ZBTB48: variants seen among roughly 807,000 people sequenced by gnomAD.
ZBTB48 encodes zinc finger and BTB domain-containing protein 48.
A neutral mutation model predicts 64.5 loss-of-function variants in ZBTB48; 35 were observed. The ratio of observed to expected loss-of-function variants is 0.54; its 90% confidence interval spans 0.41 to 0.72. The LOEUF (loss-of-function observed/expected upper bound fraction) is 0.72. Ranked by LOEUF, ZBTB48 falls within the 30% of genes least tolerant of loss-of-function variation. The probability of loss-of-function intolerance (pLI) is 0.00; values close to 1 mark genes in which losing one functional copy is unlikely to be tolerated. For missense variants in ZBTB48, 828 were observed against 895.3 expected (o/e 0.92, Z 0.96); for synonymous variants, 442 against 356.7 (o/e 1.24, Z -2.70).
At chr1:6,587,015 G>T in intron 5 of ZBTB48, 190 bp from the exon 6 acceptor site, 1 of 856,666 alleles carries the variant, frequency 1.2e-6, no homozygotes, top group Non-Finnish European at 1.9e-6. Flanking sequence ...ATGGAGGACA[G>T]GCTTGGCATC....
chr1:6,588,722 T>G, intron 9 of ZBTB48, 34 bp from the exon 10 acceptor site: 1 of 1,613,640 alleles, frequency 6.2e-7, no homozygotes, highest in Non-Finnish European at 8.5e-7. Context: ...CCGGGGCTCC[T>G]GCATGATCCC....
chr1:6,587,443 T>C, intron 6 of ZBTB48, 35 bp from the exon 7 acceptor site: 4 of 1,612,988 alleles, frequency 2.5e-6, no homozygotes, highest in Non-Finnish European at 3.4e-6. Flanking sequence ...ACCCTGGCCC[T>C]GGTCCCTCCC....
intron 4 of ZBTB48, 178 bp from the exon 5 acceptor site, chr1:6,586,517 C>T: frequency 7.5e-7 from 1 of 1,331,534 alleles, no homozygotes; most frequent in Non-Finnish European, 9.8e-7. Context: ...GTGCGGTGGG[C>T]TTGCAGCACT....
Position 6,588,120 on chromosome 1 carries a change from C to G in ZBTB48, c.1440C>G (p.Leu480=). The G allele has an allele frequency of 1.2e-6, 2 of 1,614,216 alleles. No homozygotes were observed. The highest frequency in any genetic ancestry group is 1.7e-6 in the Non-Finnish European group (2 of 1,180,048). ...ACGCCTTCACCCAAAAGGCCAATCT[C>G]AACATGCACCTGCGCACACACACGG... ...CSHAFTQKAN[L]NMHLRTHTGE... Residue 480 remains leucine, a synonymous_variant, in exon 8 of 11, where the codon CTC becomes CTG. Transcript: ENST00000377674.
intron 4 of ZBTB48, chr1:6,586,413 C>G (rs1640668769): frequency 8.9e-6 from 5 of 560,690 alleles, no homozygotes; most frequent in African/African-American, 1.9e-5. Flanking sequence ...CCCACTCTTC[C>G]TAGAGGCCTG....
chr1:6,588,946 G>A lies in ZBTB48; in HGVS notation c.1801G>A (p.Asp601Asn), dbSNP rs746278879. Residue 601 changes from aspartate to asparagine, a missense_variant, in exon 11 of 11, where the codon GAC (aspartate) becomes AAC (asparagine). Transcript: ENST00000377674. ...CCTGCGGAGGCACATGGAGATCCAC[G>A]ACCGGGTAGAGAACTACAACCCGCG... is the stretch of plus-strand genomic sequence containing the variant. Reference protein sequence around the residue: ...AHLRRHMEIHDRVENYNPRQR... With the variant: ...AHLRRHMEIHNRVENYNPRQR... The A allele has an allele frequency of 8.7e-5, 140 of 1,610,602 alleles. No homozygotes were observed. The highest frequency in any genetic ancestry group is 1.6e-4 in the Middle Eastern group (1 of 6,070).
chr1:6,588,246 C>CCA (rs759005344), intron 8 of ZBTB48, 32 bp from the exon 9 acceptor site: 1 of 1,611,422 alleles, frequency 6.2e-7, no homozygotes, highest in East Asian at 2.2e-5. Flanking sequence ...GAGGCCAAGG[C>CCA]CACAGGCTGA....
At chr1:6,585,894 C>A (rs770491511) in intron 3 of ZBTB48, 25 bp from the exon 4 acceptor site, 20 of 1,610,218 alleles carry the variant, frequency 1.2e-5, no homozygotes, top group Non-Finnish European at 1.6e-5. Context: ...CTCAGCCCCC[C>A]CACCCCTGTG....
chr1:6,589,086 C>T lies in ZBTB48; in HGVS notation c.1941C>T (p.Ala647=), dbSNP rs777645937. Residue 647 remains alanine, a synonymous_variant, in exon 11 of 11, where the codon GCC becomes GCT. Transcript: ENST00000377674. ...GSAEVIVESL[A]QGGLASQLPG... The stretch of plus-strand genomic sequence containing the variant: ...CGGAGGTCATTGTGGAGTCCCTGGC[C>T]CAGGGCGGCCTGGCCTCCCAGCTCC... The T allele has an allele frequency of 4.4e-6, 7 of 1,608,242 alleles. No individual in the cohort carries two copies. The East Asian group carries it at 1.6e-4, about 36-fold the overall frequency.
Position 6,582,269 on chromosome 1 carries a change from T to C in ZBTB48, c.902T>C (p.Leu301Pro). 6.2e-7 allele frequency: 1 copy of C among 1,612,732 alleles called. No homozygotes were observed. The highest frequency in any genetic ancestry group is 2.2e-5 in the East Asian group (1 of 44,854). The change falls in exon 3 of 11, where the codon CTC becomes CCC. Residue 301 changes from leucine (L) to proline (P), a missense_variant. Coordinates refer to ENST00000377674, the MANE Select transcript of ZBTB48 (RefSeq NM_005341.4). Reference sequence around the variant, plus strand: ...TGCCCCACATGTCATAAAAAGTTCCTCAGCAAATATTATCTAAAAGTCCAC... The same window carrying C: ...TGCCCCACATGTCATAAAAAGTTCCCCAGCAAATATTATCTAAAAGTCCAC... ...VECPTCHKKF[L>P]SKYYLKVHNR...
rs771918109 is a variant in ZBTB48 at position 6,580,987 on chromosome 1, C to T, written c.378C>T (p.Gly126=). 2.3e-5 allele frequency: 37 copies of T among 1,613,506 alleles called. No individual in the cohort carries two copies. The highest frequency in any genetic ancestry group is 3.0e-5 in the Non-Finnish European group (35 of 1,180,028). ...PKTSVGQAAG[G]QSGLGPPASQ... ...CTTCAGTGGGACAGGCAGCAGGTGG[C>T]CAGAGTGGGCTGGGGCCCCCTGCCT... is the stretch of plus-strand genomic sequence containing the variant. Residue 126 remains glycine, a synonymous_variant, in exon 2 of 11, where the codon GGC becomes GGT. Transcript: ENST00000377674. This position sits in a 1 kb window ranked among gnomAD's most constrained non-coding sequence, Gnocchi z 5.2.
intron 3 of ZBTB48, 119 bp downstream of exon 3, chr1:6,582,418 T>C (rs1003590264): frequency 2.6e-5 from 35 of 1,335,748 alleles, no homozygotes; most frequent in Non-Finnish European, 3.2e-5. Flanking sequence ...CAGACCCACA[T>C]AGTGTCTGGC....
intron 2 of ZBTB48, 107 bp downstream of exon 2, chr1:6,581,406 A>G: frequency 1.5e-6 from 2 of 1,290,416 alleles, no homozygotes; most frequent in Non-Finnish European, 2.1e-6. Context: ...TCACGCCTGT[A>G]ATCCTAGCAC....
intron 2 of ZBTB48, 110 bp downstream of exon 2, chr1:6,581,409 C>T: frequency 7.8e-7 from 1 of 1,277,856 alleles, no homozygotes; most frequent in East Asian, 2.6e-5. Context: ...CGCCTGTAAT[C>T]CTAGCACTTT....
Position 6,582,182 on chromosome 1 carries a change from G to T in ZBTB48, c.815G>T (p.Ser272Ile), listed in dbSNP as rs781623409. 1.2e-6 allele frequency: 2 copies of T among 1,614,234 alleles called. No homozygotes were observed. The highest frequency in any genetic ancestry group is 1.7e-6 in the Non-Finnish European group (2 of 1,180,038). ...CCCTGTGCAGCTGAGCCAGCCCTGA[G>T]CGCGGGCTCCCTAGCAGCTGAGCCT... ...RKPCAAEPAL[S>I]AGSLAAEPAE... The change falls in exon 3 of 11, where the codon AGC becomes ATC. Residue 272 changes from serine (S) to isoleucine (I), a missense_variant. Coordinates refer to ENST00000377674, the MANE Select transcript of ZBTB48 (RefSeq NM_005341.4).
Position 6,588,819 on chromosome 1 carries a change from A to G in ZBTB48, c.1745A>G (p.Glu582Gly), listed in dbSNP as rs1412438883. The G allele has an allele frequency of 6.2e-7, 1 of 1,614,110 alleles. No individual in the cohort carries two copies. The highest frequency in any genetic ancestry group is 8.5e-7 in the Non-Finnish European group (1 of 1,180,038). The change falls in exon 10 of 11, where the codon GAG becomes GGG. Residue 582 changes from glutamate to glycine, a missense_variant. By Grantham distance (98) the Glu-to-Gly change is moderately conservative. Transcript: ENST00000377674. ...GGGGTGAGGAAGTTTGAGTGCACCG[A>G]GTGTGGCTACAAGTTTACCCGACAG... ...HKGVRKFECTECGYKFTRQAH... is the reference protein window; with the variant it reads ...HKGVRKFECTGCGYKFTRQAH...
intron 3 of ZBTB48, chr1:6,585,657 G>A (rs1270866851): frequency 1.9e-5 from 9 of 478,248 alleles, no homozygotes; most frequent in South Asian, 1.9e-4. Flanking sequence ...GACAGAATGC[G>A]GTCAGCTGGG....
chr1:6,587,380 C>T, intron 6 of ZBTB48, 89 bp downstream of exon 6: 3 of 1,608,998 alleles, frequency 1.9e-6, no homozygotes, highest in Non-Finnish European at 2.5e-6. Flanking sequence ...CATGTACTTT[C>T]TGTTGTTCGG....
intron 5 of ZBTB48, 162 bp from the exon 6 acceptor site, chr1:6,587,043 C>G: frequency 2.2e-6 from 2 of 910,982 alleles, no homozygotes; most frequent in African/African-American, 1.6e-5. Context: ...CAGCTGAGCC[C>G]TGAGGGCCCT....
Sources: gnomAD v4.1 joint callset for allele counts on GRCh38, gnomAD v4.1.1 for gene constraint, Gnocchi (gnomAD v3.1) non-coding constraint, MANE v1.5 for transcripts, NCBI Gene and HGNC (gene_info 2026-07-23, HGNC 2026-07-21) for gene names.